Variants in KLHL2 observed in about 807,000 individuals in gnomAD.
The protein encoded by KLHL2 is kelch like family member 2, also known as kelch-like protein 2.
A neutral mutation model predicts 75.8 loss-of-function variants in KLHL2; 15 were observed. The observed-to-expected ratio is 0.20, with a 90% CI of 0.13 to 0.30. The LOEUF is 0.30. KLHL2 is among the 10% of genes least tolerant of loss of function. The pLI is 1.00. For synonymous variants in KLHL2, 214 were observed against 251.9 expected (o/e 0.85, Z 1.42); for missense variants, 381 against 741.0 (o/e 0.51, Z 5.64).
intron 5 of KLHL2, among the ~76,000 whole-genome samples, chr4:165,266,769 G>C (rs1742275180): frequency 6.6e-6 from 1 of 152,156 alleles, no homozygotes; most frequent in African/African-American, 2.4e-5. Context: ...CTCCAGCTTT[G>C]TTCTTTTTGC....
chr4:165,229,514 G>C (rs1206306885), intron 3 of KLHL2, among the ~76,000 whole-genome samples: 1 of 152,146 alleles, frequency 6.6e-6, no homozygotes, highest in Non-Finnish European at 1.5e-5. Context: ...TATAATCTTA[G>C]GGTATTGGTA....
chr4:165,316,392 G>A (rs530518149), intron 13 of KLHL2, among the ~76,000 whole-genome samples: 1 of 152,260 alleles, frequency 6.6e-6, no homozygotes, highest in African/African-American at 2.4e-5. Context: ...TGTAACTACT[G>A]TGTGGAGCTT....
At chr4:165,242,298 T>C (rs1739878115) in intron 4 of KLHL2, among the ~76,000 whole-genome samples, 1 of 152,192 alleles carries the variant, frequency 6.6e-6, no homozygotes, top group Non-Finnish European at 1.5e-5. Context: ...TTGAAAAGTA[T>C]GCTCTTTGAC....
chr4:165,269,034 C>G (rs1742469610), intron 5 of KLHL2, among the ~76,000 whole-genome samples: 1 of 152,144 alleles, frequency 6.6e-6, no homozygotes, highest in Non-Finnish European at 1.5e-5. Context: ...GTTAGCTATT[C>G]TTGTTGAATT....
intron 3 of KLHL2, among the ~76,000 whole-genome samples, chr4:165,232,536 G>A (rs1452543040): frequency 6.6e-6 from 1 of 151,974 alleles, no homozygotes; most frequent in African/African-American, 2.4e-5. Context: ...TTCTAAACCA[G>A]CCTGGGAGAA....
chr4:165,315,849 T>C (rs898156457), intron 13 of KLHL2, among the ~76,000 whole-genome samples: 1 of 152,158 alleles, frequency 6.6e-6, no homozygotes, highest in Non-Finnish European at 1.5e-5. Context: ...CCATATAAAT[T>C]TGAAATAGCA....
chr4:165,260,160 T>C (rs199830928), intron 4 of KLHL2, among the ~76,000 whole-genome samples: 65 of 149,458 alleles, frequency 4.3e-4, no homozygotes, highest in South Asian at 6.3e-4. Context: ...TTTGAAGCTG[T>C]ATATAATTAA....
At chr4:165,239,337 C>G (rs1380121233) in intron 4 of KLHL2, among the ~76,000 whole-genome samples, 1 of 149,310 alleles carries the variant, frequency 6.7e-6, no homozygotes, top group African/African-American at 2.5e-5. Flanking sequence ...GATCATGGAT[C>G]ATGCAGCCTC....
At chr4:165,287,014 C>T (rs1320543839) in intron 5 of KLHL2, among the ~76,000 whole-genome samples, 1 of 152,174 alleles carries the variant, frequency 6.6e-6, no homozygotes, top group Non-Finnish European at 1.5e-5. Context: ...GAACATATAA[C>T]ATGAAATTTA....
Position 165,207,921 on chromosome 4 carries a change from G to T in KLHL2, c.26+19G>T, listed in dbSNP as rs780803342. On this transcript the variant is annotated intron_variant, in intron 1 of 14. Transcript: ENST00000226725. The surrounding 1 kb of genome is among the most constrained non-coding windows in gnomAD (Gnocchi z 4.2). ...CTCCCGCGTGAGTGAGCGGGCGGGCGGGCTGCGCCGCTGCGGATAAGCGCG... is the reference window on the plus strand; with the variant it reads ...CTCCCGCGTGAGTGAGCGGGCGGGCTGGCTGCGCCGCTGCGGATAAGCGCG... 1.2e-5 allele frequency: 17 copies of T among 1,407,532 alleles called. No homozygotes were observed. In the Middle Eastern group the frequency reaches 1.0e-3, roughly 83 times the overall value. The allele number at this position is 1,407,532 out of a possible 1,614,324, so 87.2% of individuals were successfully genotyped here.
At chr4:165,279,251 C>G in intron 5 of KLHL2, 1 of 1,536,666 alleles carries the variant, frequency 6.5e-7, no homozygotes. Flanking sequence ...GTTATTATTT[C>G]CTGGAATTCT....
At chr4:165,267,827 A>C (rs1170460118) in intron 5 of KLHL2, among the ~76,000 whole-genome samples, 2 of 152,186 alleles carry the variant, frequency 1.3e-5, no homozygotes, top group African/African-American at 4.8e-5. Flanking sequence ...CTGGCCTCAT[A>C]AATGAGTTAG....
At position 165,299,490 on chromosome 4, in the gene KLHL2, C is replaced by G; in HGVS notation, c.772-17C>G. 1 of 1,592,834 alleles carries G rather than the reference C, an allele frequency of 6.3e-7. No individual in the cohort carries two copies. Among genetic ancestry groups the G allele is most frequent in the South Asian group, 1.1e-5 (1 of 87,904 alleles). ...ATAGCCCTACCCTCAGTGGGTGTGTCTGATTTCTTGTTACAGAGGGTTGAA... is the reference window on the plus strand; with the variant it reads ...ATAGCCCTACCCTCAGTGGGTGTGTGTGATTTCTTGTTACAGAGGGTTGAA... On this transcript the variant is annotated splice_polypyrimidine_tract_variant and intron_variant, in intron 7 of 14. Transcript: ENST00000226725.
intron 1 of KLHL2, 103 bp from the exon 2 acceptor site, chr4:165,219,831 A>G (rs56229356): frequency 8.7e-4 from 1,178 of 1,361,028 alleles, no homozygotes; most frequent in Non-Finnish European, 1.1e-3. Flanking sequence ...CTAAATAAGT[A>G]GGGGAAGGAG....
chr4:165,240,993 C>G (rs1579021609), intron 4 of KLHL2, among the ~76,000 whole-genome samples: 1 of 152,310 alleles, frequency 6.6e-6, no homozygotes, highest in East Asian at 1.9e-4. Flanking sequence ...TCAGAAAACT[C>G]TTGCCATCCT....
At chr4:165,278,426 A>G (rs1263578359) in intron 5 of KLHL2, 1 of 1,463,040 alleles carries the variant, frequency 6.8e-7, no homozygotes. Context: ...GGCATCCAAA[A>G]TCTCTCGAGT....
chr4:165,279,301 A>G (rs758569796), intron 5 of KLHL2: 1 of 1,548,442 alleles, frequency 6.5e-7, no homozygotes, highest in South Asian at 1.1e-5. Context: ...TTCTTAGATC[A>G]AGCCACACCA....
intron 12 of KLHL2, among the ~76,000 whole-genome samples, chr4:165,313,622 T>A (rs945543391): frequency 6.6e-6 from 1 of 152,158 alleles, no homozygotes; most frequent in Non-Finnish European, 1.5e-5. Context: ...TCCTTTTAGT[T>A]TTTTGTTTTT....
chr4:165,267,915 A>T (rs1428189837), intron 5 of KLHL2, among the ~76,000 whole-genome samples: 1 of 152,192 alleles, frequency 6.6e-6, no homozygotes, highest in African/African-American at 2.4e-5. Context: ...CCTCTGTTAG[A>T]ATTTGGCTGT....
Sources: allele counts gnomAD v4.1 joint callset (sites outside exome capture counted in the v4.1 genomes callset), GRCh38; gene constraint gnomAD v4.1.1; non-coding constraint Gnocchi (gnomAD v3.1); transcripts MANE v1.5; gene names NCBI Gene and HGNC (gene_info 2026-07-23, HGNC 2026-07-21).